Variants in R3HDM4 observed in about 807,000 individuals in gnomAD.
R3HDM4 encodes the protein R3H domain containing 4, also known as R3H domain-containing protein 4.
R3HDM4 carries 30 observed loss-of-function variants against 31.3 expected under a neutral mutation model. The ratio of observed to expected loss-of-function variants is 0.96; its 90% CI spans 0.72 to 1.30. R3HDM4 has a LOEUF of 1.30. Ranked by LOEUF, R3HDM4 falls within the 50% of genes most tolerant of loss-of-function variation. R3HDM4 has a pLI of 0.00. For missense variants in R3HDM4, 444 were observed against 366.1 expected, an observed-to-expected ratio of 1.21 and a Z score of -1.74; for synonymous variants, 196 against 156.6, an observed-to-expected ratio of 1.25 and a Z score of -1.88.
rs547646867 is a variant in R3HDM4, at chr19:908,811, A to C, written c.71+4276T>G. Among the ~76,000 whole-genome samples, 10 of 150,424 alleles carry C rather than the reference A, an allele frequency of 6.6e-5. No individual in the cohort carries two copies. The South Asian group carries it at 1.9e-3, about 29-fold the overall frequency. ...CCTTACCAGGAAGCTCTGGAAACCA[A>C]CCGGCCCCAGCCGGCCCGTTTACTT... On this transcript the variant is annotated intron_variant, in intron 1 of 7. Transcript: ENST00000361574.
At chr19:905,587 A>C (rs185906953) in intron 1 of R3HDM4, among the ~76,000 whole-genome samples, 258 of 150,060 alleles carry the variant, frequency 1.7e-3, no homozygotes, top group African/African-American at 6.0e-3. Context: ...CGGGAGGCTG[A>C]GGCAGGAGAA....
intron 4 of R3HDM4, 73 bp from the exon 5 acceptor site, chr19:900,219 C>A: frequency 7.8e-7 from 1 of 1,280,288 alleles, no homozygotes; most frequent in East Asian, 2.5e-5. Context: ...AGACCACGCC[C>A]ACCCAGGGAA....
intron 1 of R3HDM4, among the ~76,000 whole-genome samples, chr19:909,106 ATG>A (rs140667689): frequency 1.8e-4 from 28 of 152,334 alleles, no homozygotes; most frequent in African/African-American, 6.5e-4. Flanking sequence ...AGGCTCGAGG[ATG>A]TGTGTCCACA....
chr19:901,699 C>G, intron 2 of R3HDM4, 153 bp from the exon 3 acceptor site: 1 of 1,064,254 alleles, frequency 9.4e-7, no homozygotes, highest in Non-Finnish European at 1.3e-6. Flanking sequence ...CAGAGACCAC[C>G]TAGACCCCAG....
At chr19:912,744 G>A (rs2036995308) in intron 1 of R3HDM4, among the ~76,000 whole-genome samples, 1 of 142,798 alleles carries the variant, frequency 7.0e-6, no homozygotes, top group Non-Finnish European at 1.6e-5. Flanking sequence ...CCGGGGAGTG[G>A]GGCGCGGACC....
rs761825949 is a variant in R3HDM4 at position 900,779 on chromosome 19, C to G, written c.475+50G>C. 1.9e-5 allele frequency: 20 copies of G among 1,062,442 alleles called. 1 individual carries two copies. Among genetic ancestry groups the G allele is most frequent in the Middle Eastern group, 3.2e-4 (1 of 3,142 alleles). 65.8% of individuals were successfully genotyped at this position (1,062,442 alleles called of 1,614,324 possible). A position where few individuals can be genotyped will look rare whatever the true frequency, so the allele number is the denominator to read the frequency against. On this transcript the variant is annotated intron_variant, in intron 4 of 7. Transcript: ENST00000361574. ...CGGCCCCACCCACCCCAGGCCACGCCCCCATCCATACCCTGGCCCCACCCA... is the reference window on the plus strand; with the variant it reads ...CGGCCCCACCCACCCCAGGCCACGCGCCCATCCATACCCTGGCCCCACCCA...
chr19:898,227 A>AT (rs1555720566), intron 7 of R3HDM4, among the ~76,000 whole-genome samples: 1 of 128,910 alleles, frequency 7.8e-6, no homozygotes, highest in African/African-American at 3.5e-5. Flanking sequence ...ACTAAAAAAA[A>AT]AAATATATAT....
In R3HDM4 at chr19:897,491, C is replaced by T; in HGVS notation, c.753G>A (p.Leu251=). The change falls in exon 8 of 8, where the codon CTG becomes CTA. Residue 251 remains leucine, a synonymous_variant. Transcript: ENST00000361574. The part of the protein sequence containing the change: ...KRQMKVSNRH[L]DFLPPGLLLS... Reference sequence around the variant, plus strand: ...GGAGCAGCCCCGGCGGCAGGAAATCCAGGTGCCGATTACTGACCTTCATCT... The same window carrying T: ...GGAGCAGCCCCGGCGGCAGGAAATCTAGGTGCCGATTACTGACCTTCATCT... The T allele has an allele frequency of 6.2e-7, 1 of 1,613,254 alleles. No homozygotes were observed.
In R3HDM4 at chr19:902,002, C is replaced by T. The variant is rs1312676289; in HGVS notation, c.200G>A (p.Arg67Gln). Residue 67 changes from arginine (R) to glutamine (Q), a missense_variant, in exon 2 of 8, where the codon CGG (arginine) becomes CAG (glutamine). Physicochemically the swap from Arg to Gln is conservative, Grantham distance 43 (BLOSUM62 1). Coordinates refer to ENST00000361574, the MANE Select transcript of R3HDM4 (RefSeq NM_138774.4). ...NSDLVPKAKG[R>Q]KSLQRLENTQ... ...GTTCTCCAGGCGCTGGAGGCTCTTC[C>T]GCCCCTTGGCCTTGGGCACGAGGTC... is the stretch of plus-strand genomic sequence containing the variant. 5.0e-6 allele frequency: 8 copies of T among 1,613,840 alleles called. No homozygotes were observed. The highest frequency in any genetic ancestry group is 1.3e-5 in the African/African-American group (1 of 75,064).
At chr19:897,891 A>G (rs1004940986) in intron 7 of R3HDM4, among the ~76,000 whole-genome samples, 2 of 152,186 alleles carry the variant, frequency 1.3e-5, no homozygotes, top group East Asian at 1.9e-4. Flanking sequence ...CCTGCCCTGC[A>G]GAGGTGGCTC....
At chr19:909,518 A>G (rs556694709) in intron 1 of R3HDM4, among the ~76,000 whole-genome samples, 8 of 152,298 alleles carry the variant, frequency 5.3e-5, no homozygotes, top group African/African-American at 1.9e-4. Flanking sequence ...CCAGGGTGCC[A>G]GGCGTGGTGG....
At chr19:909,632 C>T (rs2036947716) in intron 1 of R3HDM4, among the ~76,000 whole-genome samples, 1 of 151,500 alleles carries the variant, frequency 6.6e-6, no homozygotes, top group Non-Finnish European at 1.5e-5. Flanking sequence ...CCCGTCTCTA[C>T]TAAAATTACA....
chr19:899,018 G>A lies in R3HDM4; in HGVS notation c.703+422C>T, dbSNP rs2036785731. On this transcript the variant is annotated intron_variant, in intron 7 of 7. Transcript: ENST00000361574. The surrounding 1 kb of genome is among the most constrained non-coding windows in gnomAD (Gnocchi z 6.8). ...GACTGCGCCCCGTTGGAAAAGTGGA[G>A]CGCAGGGGCCAGTAGGGGGTCTCGC... Among the ~76,000 whole-genome samples, 2 of 152,194 alleles carry A rather than the reference G, an allele frequency of 1.3e-5. No individual in the cohort carries two copies. Among genetic ancestry groups the A allele is most frequent in the South Asian group, 4.1e-4 (2 of 4,834 alleles).
chr19:903,772 C>A (rs746076712), intron 1 of R3HDM4, among the ~76,000 whole-genome samples: 1 of 152,084 alleles, frequency 6.6e-6, no homozygotes, highest in Non-Finnish European at 1.5e-5. Flanking sequence ...ACAAACAGGA[C>A]GGGCGCGGTG....
rs1833263766 is a variant in R3HDM4 at position 902,150 on chromosome 19, T to G, written c.72-20A>C. The G allele has an allele frequency of 3.7e-6, 6 of 1,610,320 alleles. No individual in the cohort carries two copies. In the South Asian group the frequency reaches 6.6e-5, roughly 18 times the overall value. On this transcript the variant is annotated intron_variant, in intron 1 of 7. Transcript: ENST00000361574. ...AGGGGCCTGTGGGCCGGGGCAGGGG[T>G]GGTCCTCAGGGTCAAGGCCGGCCAG...
chr19:909,242 A>T (rs1325580083), intron 1 of R3HDM4, among the ~76,000 whole-genome samples: 1 of 152,174 alleles, frequency 6.6e-6, no homozygotes, highest in South Asian at 2.1e-4. Context: ...TCCCTCGAGC[A>T]AAAACACACC....
At chr19:898,203 G>A (rs1358431458) in intron 7 of R3HDM4, among the ~76,000 whole-genome samples, 8 of 139,076 alleles carry the variant, frequency 5.8e-5, no homozygotes, top group Non-Finnish European at 1.1e-4. Flanking sequence ...CTAACACAGT[G>A]AAACCCTGTC....
chr19:902,743 G>C (rs1247457110), intron 1 of R3HDM4: 6 of 152,412 alleles, frequency 3.9e-5, no homozygotes, highest in African/African-American at 1.4e-4. Flanking sequence ...TTGAAGACCA[G>C]CCTGGCCAAC....
chr19:906,191 A>AT (rs1335964127), intron 1 of R3HDM4, among the ~76,000 whole-genome samples: 6 of 147,958 alleles, frequency 4.1e-5, no homozygotes, highest in Non-Finnish European at 8.9e-5. Context: ...CGCCTGGCTA[A>AT]TTTTTTATTT....
Sources: gnomAD v4.1 joint callset for allele counts (sites outside exome capture counted in the v4.1 genomes callset) on GRCh38, gnomAD v4.1.1 for gene constraint, Gnocchi (gnomAD v3.1) non-coding constraint, MANE v1.5 for transcripts, NCBI Gene and HGNC (gene_info 2026-07-23, HGNC 2026-07-21) for gene names.